The following FERRY3 variants were observed in gnomAD, a reference collection of about 807,000 sequenced individuals.
The protein encoded by FERRY3 is FERRY endosomal RAB5 effector complex subunit 3.
the FERRY3 span, among the ~76,000 whole-genome samples, chr12:4,519,818 C>T: frequency 1.3e-5 from 2 of 152,188 alleles, no homozygotes; most frequent in African/African-American, 4.8e-5. The surrounding 1 kb of genome is among the most constrained non-coding windows in gnomAD (Gnocchi z 4.3). Context: ...TGCAAGCGAT[C>T]GAGGTTGTGT....
chr12:4,517,966 T>A, the FERRY3 span: 40 of 1,165,118 alleles, frequency 3.4e-5, no homozygotes, highest in East Asian at 9.6e-4. Flanking sequence ...GTGATTAAAA[T>A]TTTTTTTCAT....
At chr12:4,495,322 A>G in the FERRY3 span, among the ~76,000 whole-genome samples, 1 of 152,214 alleles carries the variant, frequency 6.6e-6, no homozygotes, top group African/African-American at 2.4e-5. Context: ...TTGAAATACT[A>G]TGATAGTAAT....
chr12:4,523,224 T>C, the FERRY3 span, among the ~76,000 whole-genome samples: 1 of 152,202 alleles, frequency 6.6e-6, no homozygotes, highest in Admixed American at 6.5e-5. Context: ...AAGAAACATC[T>C]ATCAAAAAGA....
At chr12:4,514,496 A>C in the FERRY3 span, among the ~76,000 whole-genome samples, 3 of 152,200 alleles carry the variant, frequency 2.0e-5, no homozygotes, top group East Asian at 3.8e-4. Context: ...GAACCAACCC[A>C]AATGTCCAAC....
At chr12:4,534,412 T>G in the FERRY3 span, 1 of 1,257,764 alleles carries the variant, frequency 8.0e-7, no homozygotes, top group Non-Finnish European at 1.1e-6. Flanking sequence ...ATTTTTATTT[T>G]TTATTTAGAG....
At chr12:4,505,502 A>G in the FERRY3 span, 1 of 658,816 alleles carries the variant, frequency 1.5e-6, no homozygotes, top group East Asian at 2.7e-5. Flanking sequence ...TGTGCCAGGC[A>G]TTCTGCTATA....
chr12:4,505,279 T>C, the FERRY3 span: 1 of 1,397,202 alleles, frequency 7.2e-7, no homozygotes. Context: ...AAGAAAACAG[T>C]AATTTAAAAT....
the FERRY3 span, among the ~76,000 whole-genome samples, chr12:4,492,905 G>T: frequency 6.6e-6 from 1 of 152,106 alleles, no homozygotes; most frequent in Non-Finnish European, 1.5e-5. Context: ...TTAAGCTTCT[G>T]TGACTTTTAA....
At chr12:4,514,646 C>CA in the FERRY3 span, among the ~76,000 whole-genome samples, 1 of 148,318 alleles carries the variant, frequency 6.7e-6, no homozygotes, top group Non-Finnish European at 1.5e-5. Flanking sequence ...ATCGCAAGAA[C>CA]AAAAAACCAA....
the FERRY3 span, among the ~76,000 whole-genome samples, chr12:4,520,605 G>A: frequency 2.6e-5 from 4 of 152,074 alleles, no homozygotes; most frequent in African/African-American, 9.7e-5. Flanking sequence ...TACATTGAAG[G>A]TACTGACAGA....
chr12:4,521,925 T>C, the FERRY3 span, among the ~76,000 whole-genome samples: 13 of 152,152 alleles, frequency 8.5e-5, no homozygotes, highest in African/African-American at 2.2e-4. Context: ...AATAGATAAA[T>C]TGGCAGAGCA....
chr12:4,504,234 A>G, the FERRY3 span, among the ~76,000 whole-genome samples: 1 of 152,226 alleles, frequency 6.6e-6, no homozygotes, highest in Non-Finnish European at 1.5e-5. Context: ...GTGTAGGTTA[A>G]TGTGATCTAC....
At chr12:4,502,776 C>T in the FERRY3 span, among the ~76,000 whole-genome samples, 550 of 152,220 alleles carry the variant, frequency 3.6e-3, 4 homozygotes, top group African/African-American at 0.012. This position sits in a 1 kb window ranked among gnomAD's most constrained non-coding sequence, Gnocchi z 4.2. Flanking sequence ...TCTGACAGGT[C>T]CCAGGCAAAG....
chr12:4,490,802 A>G, the FERRY3 span, among the ~76,000 whole-genome samples: 7 of 152,200 alleles, frequency 4.6e-5, no homozygotes, highest in Non-Finnish European at 1.0e-4. Flanking sequence ...AGTTTTGTCA[A>G]CATGCTCTTA....
chr12:4,507,256 A>C, the FERRY3 span, among the ~76,000 whole-genome samples: 1 of 152,188 alleles, frequency 6.6e-6, no homozygotes, highest in African/African-American at 2.4e-5. Context: ...ATTTTTACGT[A>C]ATATGGATAT....
At chr12:4,533,311 G>C in the FERRY3 span, among the ~76,000 whole-genome samples, 1 of 152,064 alleles carries the variant, frequency 6.6e-6, no homozygotes, top group South Asian at 2.1e-4. Flanking sequence ...CTCTGACCTT[G>C]TGTTCCCATT....
chr12:4,522,441 A>G, the FERRY3 span, among the ~76,000 whole-genome samples: 6 of 152,256 alleles, frequency 3.9e-5, no homozygotes, highest in African/African-American at 1.4e-4. Flanking sequence ...TAACATAATT[A>G]GGCATCAGGG....
the FERRY3 span, among the ~76,000 whole-genome samples, chr12:4,524,418 C>T: frequency 1.1e-4 from 16 of 151,702 alleles, no homozygotes; most frequent in Middle Eastern, 3.4e-3. Flanking sequence ...ATAACCTATC[C>T]ATCTGTCCAT....
chr12:4,532,811 C>T, the FERRY3 span, among the ~76,000 whole-genome samples: 1 of 152,192 alleles, frequency 6.6e-6, no homozygotes, highest in Non-Finnish European at 1.5e-5. Flanking sequence ...CACTGTCTTG[C>T]CGATATCCTC....
Sources: gnomAD v4.1 joint callset for allele counts (sites outside exome capture counted in the v4.1 genomes callset) on GRCh38, gnomAD v4.1.1 for gene constraint, Gnocchi (gnomAD v3.1) non-coding constraint, MANE v1.5 for transcripts, NCBI Gene and HGNC (gene_info 2026-07-23, HGNC 2026-07-21) for gene names.